Variants in TBC1D9 observed in about 807,000 individuals in gnomAD.
TBC1D9 encodes TBC1 domain family member 9A.
A neutral mutation model predicts 132.0 loss-of-function variants in TBC1D9; 63 were observed. That is an observed-to-expected ratio of 0.48 (90% CI 0.39 to 0.59). The LOEUF (loss-of-function observed/expected upper bound fraction) is 0.59, where lower values mean the gene tolerates loss of function less well. Among genes scored for constraint, TBC1D9 ranks in the 20% least tolerant of loss-of-function variants. TBC1D9 has a pLI of 0.00. For missense variants in TBC1D9, 1,261 were observed against 1,592.7 expected (o/e 0.79, Z 3.54); for synonymous variants, 610 against 609.9 (o/e 1.00, Z 0.00).
intron 20 of TBC1D9, 71 bp downstream of exon 20, chr4:140,624,045 C>G (rs554735866): frequency 1.0e-5 from 13 of 1,255,988 alleles, no homozygotes; most frequent in Non-Finnish European, 1.5e-5. Flanking sequence ...CTACATTTAT[C>G]GATGACTTTT....
chr4:140,701,636 A>C lies in TBC1D9; in HGVS notation c.131-22T>G, dbSNP rs766232356. ...AGGCCTGAGGGTGGAAAGTGGGGAG[A>C]AACAGGTAAGAATTGCCTTAGTACT... On this transcript the variant is annotated intron_variant, in intron 1 of 20. Transcript: ENST00000442267. The C allele has an allele frequency of 5.0e-5, 79 of 1,591,802 alleles. 2 individuals carry two copies. The South Asian group carries it at 6.0e-4, about 12-fold the overall frequency.
rs972979507 is a variant in TBC1D9 at position 140,642,698 on chromosome 4, T to C, written c.2338-3270A>G. 6 of 665,288 alleles carry C rather than the reference T, an allele frequency of 9.0e-6. No individual in the cohort carries two copies. The Admixed American group carries it at 1.2e-4, about 13-fold the overall frequency. 41.2% of individuals were successfully genotyped at this position (665,288 alleles called of 1,614,324 possible). On this transcript the variant is annotated intron_variant, in intron 13 of 20. Coordinates refer to ENST00000442267, the MANE Select transcript of TBC1D9 (RefSeq NM_015130.3). ...GGCTTTCCCTGTTCCAATAAGGGCA[T>C]TGTGTTCCTCCTTGGGCCCTTTGTG...
At position 140,664,038 on chromosome 4, in the gene TBC1D9, AC is replaced by A. The variant is rs150447445; in HGVS notation, c.1589-1932del. ...AGTGTTCTCTCACCAAACTCTCCCC[AC>A]CAAAAAAAAAAAAAAAACAAGAAAA... On this transcript the variant is annotated intron_variant, in intron 9 of 20. Coordinates refer to ENST00000442267, the MANE Select transcript of TBC1D9 (RefSeq NM_015130.3). 6.2e-3 allele frequency among the ~76,000 whole-genome samples: 870 copies of A among 139,428 alleles called. 20 individuals are homozygous for A. The highest frequency in any genetic ancestry group is 0.014 in the East Asian group (69 of 4,942). 91.5% of individuals were successfully genotyped at this position (139,428 alleles called of 152,430 possible). A position where few individuals can be genotyped will look rare whatever the true frequency, so the allele number is the denominator to read the frequency against.
chr4:140,741,897 A>G (rs1738763952), intron 1 of TBC1D9, among the ~76,000 whole-genome samples: 2 of 152,172 alleles, frequency 1.3e-5, no homozygotes, highest in South Asian at 4.1e-4. Context: ...TCAATTGCCA[A>G]TCAGAAAATC....
At chr4:140,736,677 G>T (rs1036169736) in intron 1 of TBC1D9, among the ~76,000 whole-genome samples, 2 of 152,186 alleles carry the variant, frequency 1.3e-5, no homozygotes, top group Non-Finnish European at 2.9e-5. Context: ...CAGGAAGAAA[G>T]AGGGGTTTGC....
chr4:140,724,545 T>C (rs1738469752), intron 1 of TBC1D9, among the ~76,000 whole-genome samples: 3 of 151,682 alleles, frequency 2.0e-5, no homozygotes, highest in Admixed American at 2.0e-4. Context: ...TAACTGTGAC[T>C]CACAATCCCA....
Position 140,670,779 on chromosome 4 carries a change from T to C in TBC1D9, c.1207A>G (p.Thr403Ala). The C allele has an allele frequency of 1.9e-6, 3 of 1,614,026 alleles. No homozygotes were observed. The highest frequency in any genetic ancestry group is 2.5e-6 in the Non-Finnish European group (3 of 1,179,890). The change falls in exon 7 of 21, where the codon ACT (threonine) becomes GCT (alanine). Residue 403 changes from threonine (T) to alanine (A), a missense_variant. Coordinates refer to ENST00000442267, the MANE Select transcript of TBC1D9 (RefSeq NM_015130.3). Reference protein sequence around the residue: ...QRISDFLQQTTSKIYSDKEFA... With the variant: ...QRISDFLQQTASKIYSDKEFA... The stretch of plus-strand genomic sequence containing the variant: ...TCCTTGTCAGAATATATTTTGGAAG[T>C]AGTCTGTTGCAGGAAATCTGAGATC...
chr4:140,738,026 A>G (rs1052186600), intron 1 of TBC1D9, among the ~76,000 whole-genome samples: 1 of 152,252 alleles, frequency 6.6e-6, no homozygotes, highest in Non-Finnish European at 1.5e-5. Flanking sequence ...TGATCCTATG[A>G]AAACTTTAAT....
At chr4:140,667,108 C>T (rs1017440568) in intron 9 of TBC1D9, among the ~76,000 whole-genome samples, 1 of 152,276 alleles carries the variant, frequency 6.6e-6, no homozygotes, top group Non-Finnish European at 1.5e-5. Flanking sequence ...TCACAGGAAG[C>T]AGGTGAGACC....
intron 18 of TBC1D9, among the ~76,000 whole-genome samples, chr4:140,625,942 T>A (rs1191717142): frequency 6.6e-6 from 1 of 152,218 alleles, no homozygotes; most frequent in Non-Finnish European, 1.5e-5. Context: ...TACCCGTACC[T>A]GAAACATTTC....
intron 13 of TBC1D9, chr4:140,642,022 A>C (rs1737007187): frequency 1.5e-6 from 1 of 648,642 alleles, no homozygotes; most frequent in Non-Finnish European, 2.8e-6. Context: ...TCGAAGCAGC[A>C]AACAAAACCA....
chr4:140,627,250 C>T (rs1365881001), intron 18 of TBC1D9, among the ~76,000 whole-genome samples, 191 bp downstream of exon 18: 3 of 152,228 alleles, frequency 2.0e-5, no homozygotes, highest in African/African-American at 7.2e-5. Flanking sequence ...GTACATGTTT[C>T]CTTCAGTGGG....
chr4:140,731,668 T>TACAAACACACACAC (rs145483015), intron 1 of TBC1D9, among the ~76,000 whole-genome samples: 1 of 147,122 alleles, frequency 6.8e-6, no homozygotes, highest in African/African-American at 2.5e-5. Flanking sequence ...TTAAAACACA[T>TACAAACACACACAC]ACACACACAC....
chr4:140,659,737 C>T (rs372193921), intron 10 of TBC1D9, 32 bp from the exon 11 acceptor site: 427 of 1,440,546 alleles, frequency 3.0e-4, no homozygotes, highest in Non-Finnish European at 3.9e-4. Flanking sequence ...TCATCAAATA[C>T]AGTTGAAAAT....
chr4:140,755,859 G>C, intron 1 of TBC1D9, 57 bp downstream of exon 1: 4 of 1,478,346 alleles, frequency 2.7e-6, no homozygotes, highest in Non-Finnish European at 3.6e-6. Context: ...CCCAGGCCGC[G>C]GGCGGCGCCG....
At chr4:140,698,109 A>C (rs892252907) in intron 2 of TBC1D9, among the ~76,000 whole-genome samples, 10 of 152,200 alleles carry the variant, frequency 6.6e-5, no homozygotes, top group Admixed American at 2.6e-4. Flanking sequence ...ACGATTCTAG[A>C]TTGTTTGCCA....
chr4:140,624,462 A>G (rs1736674917), intron 18 of TBC1D9, 74 bp from the exon 19 acceptor site: 1 of 1,339,092 alleles, frequency 7.5e-7, no homozygotes, highest in Admixed American at 2.1e-5. Context: ...TTTGTAGTGG[A>G]AAATAGAAGA....
At chr4:140,642,956 G>A in intron 13 of TBC1D9, 1 of 643,568 alleles carries the variant, frequency 1.6e-6, no homozygotes, top group South Asian at 2.0e-5. Flanking sequence ...GCTTCTCCTT[G>A]TACTGGTGCT....
intron 2 of TBC1D9, among the ~76,000 whole-genome samples, chr4:140,698,994 T>G (rs1191031905): frequency 1.3e-5 from 2 of 152,166 alleles, no homozygotes; most frequent in Non-Finnish European, 2.9e-5. Flanking sequence ...GACTGTACGT[T>G]TCTCAAGAGC....
Sources: allele counts gnomAD v4.1 joint callset (sites outside exome capture counted in the v4.1 genomes callset), GRCh38; gene constraint gnomAD v4.1.1; transcripts MANE v1.5; gene names NCBI Gene and HGNC (gene_info 2026-07-23, HGNC 2026-07-21).